The following SPG11 variants were observed in gnomAD, a reference collection of about 807,000 sequenced individuals.
SPG11 encodes the protein SPG11 vesicle trafficking associated, spatacsin, also known as spatacsin.
In SPG11, 222 loss-of-function variants were observed where a neutral mutation model predicts 274.0. The ratio of observed to expected loss-of-function variants is 0.81; its 90% CI spans 0.73 to 0.91. The LOEUF (loss-of-function observed/expected upper bound fraction) is 0.91. Ranked by LOEUF, SPG11 falls within the 40% of genes least tolerant of loss-of-function variation. The pLI is 0.00. For missense variants in SPG11, 3,114 were observed against 2,872.7 expected (o/e 1.08, Z -1.92); for synonymous variants, 1,144 against 1,039.7 (o/e 1.10, Z -1.93).
In SPG11 at chr15:44,618,160, T is replaced by A. The variant is rs140524050; in HGVS notation, c.2834+2030A>T. ...ATCTAAAGAGAATGCTCACAATGTT[T>A]CACTAGTAAGTATGATGTTGGCTAA... is the stretch of plus-strand genomic sequence containing the variant. On this transcript the variant is annotated intron_variant, in intron 15 of 39. Coordinates refer to ENST00000261866, the MANE Select transcript of SPG11 (RefSeq NM_025137.4). Among the ~76,000 whole-genome samples the A allele has an allele frequency of 1.3e-4, 20 of 152,248 alleles. No individual in the cohort carries two copies. In the East Asian group the frequency reaches 3.9e-3, roughly 29 times the overall value.
intron 20 of SPG11, among the ~76,000 whole-genome samples, chr15:44,603,055 T>C: frequency 6.9e-6 from 1 of 144,150 alleles, no homozygotes; most frequent in South Asian, 2.2e-4. Context: ...AACAGGCAAT[T>C]TTTTTTTTTT....
intron 7 of SPG11, among the ~76,000 whole-genome samples, chr15:44,642,939 G>T (rs1431926643): frequency 6.6e-6 from 1 of 152,072 alleles, no homozygotes; most frequent in Non-Finnish European, 1.5e-5. Flanking sequence ...AAGGGAATAG[G>T]ATCAGGGCAG....
At chr15:44,603,193 C>T (rs926824116) in intron 20 of SPG11, among the ~76,000 whole-genome samples, 2 of 151,910 alleles carry the variant, frequency 1.3e-5, no homozygotes, top group African/African-American at 2.4e-5. Flanking sequence ...GCACTGTAGG[C>T]ACACACAACT....
At position 44,567,547 on chromosome 15, in the gene SPG11, G is replaced by T. The variant is rs148260507; in HGVS notation, c.6631C>A (p.Arg2211Ser). ...TALLDYIKRC[R>S]PGDSEKHNMI... ...TTGTGCTTTTCACTGTCTCCAGGAC[G>T]GCAGCGTTTGATGTAGTCCAGCAGG... The change falls in exon 36 of 40, where the codon CGT (arginine) becomes AGT (serine). Residue 2211 changes from arginine to serine, a missense_variant. By Grantham distance (110) the Arg-to-Ser change is moderately radical. Coordinates refer to ENST00000261866, the MANE Select transcript of SPG11 (RefSeq NM_025137.4). The T allele has an allele frequency of 3.1e-6, 5 of 1,613,942 alleles. No homozygotes were observed. Among genetic ancestry groups the T allele is most frequent in the Non-Finnish European group, 4.2e-6 (5 of 1,179,992 alleles).
chr15:44,596,589 C>T (rs2083045206), intron 24 of SPG11, among the ~76,000 whole-genome samples, 195 bp downstream of exon 24: 1 of 147,552 alleles, frequency 6.8e-6, no homozygotes, highest in South Asian at 2.1e-4. Context: ...TGATGCCAAC[C>T]CACTGAAATC....
In SPG11 at chr15:44,663,402, G is replaced by A. The variant is rs770704763; in HGVS notation, c.246C>T (p.Gly82=). The part of the protein sequence containing the change: ...SRGGGRCCLE[G]PFWHFLWEDS... The stretch of plus-strand genomic sequence containing the variant: ...CCCTCAGCACTTACTGCCAGAAGGG[G>A]CCCTCCAGGCAGCAGCGACCCCCGC... The change falls in exon 1 of 40, where the codon GGC becomes GGT. Residue 82 remains glycine (G), a synonymous_variant. Coordinates refer to ENST00000261866, the MANE Select transcript of SPG11 (RefSeq NM_025137.4). 5 of 1,607,426 alleles carry A rather than the reference G, an allele frequency of 3.1e-6. No homozygotes were observed. Among genetic ancestry groups the A allele is most frequent in the Non-Finnish European group, 2.5e-6 (3 of 1,177,676 alleles).
chr15:44,623,953 A>G (rs1157342323), intron 11 of SPG11, among the ~76,000 whole-genome samples: 1 of 151,828 alleles, frequency 6.6e-6, no homozygotes, highest in African/African-American at 2.4e-5. Context: ...TAGAGACAGC[A>G]TTTACCACGT....
chr15:44,647,027 G>A (rs1428498529), intron 7 of SPG11, among the ~76,000 whole-genome samples: 1 of 152,146 alleles, frequency 6.6e-6, no homozygotes, highest in Non-Finnish European at 1.5e-5. Flanking sequence ...AAGAACGGGA[G>A]AAAGTATTTG....
Position 44,584,077 on chromosome 15 carries a change from T to TTC in SPG11, c.5601_5602dup (p.Asn1868ArgfsTer12), listed in dbSNP as rs774838408. The TTC allele has an allele frequency of 6.2e-7, 1 of 1,614,256 alleles. No individual in the cohort carries two copies. Among genetic ancestry groups the TTC allele is most frequent in the African/African-American group, 1.3e-5 (1 of 75,070 alleles). ...CTCCTGCTCTTTCCAATCCAATCTA[T>TTC]TCTCGCATGTCTCTTTGGATGGAAG... On this transcript the variant is annotated frameshift_variant, in exon 30 of 40. Transcript: ENST00000261866. LOFTEE classifies it high-confidence loss of function.
intron 16 of SPG11, among the ~76,000 whole-genome samples, chr15:44,614,598 A>G (rs2083544532): frequency 1.3e-5 from 2 of 152,258 alleles, no homozygotes; most frequent in African/African-American, 4.8e-5. Flanking sequence ...GGGCTCCAGA[A>G]TAAAAATTAA....
intron 27 of SPG11, among the ~76,000 whole-genome samples, chr15:44,591,744 A>G (rs112901592): frequency 0.083 from 12,566 of 152,222 alleles, 1,304 homozygotes; most frequent in East Asian, 0.22. Context: ...AGGCCGAGGC[A>G]GGAGGACTGC....
rs769257325 is a variant in SPG11, at chr15:44,659,224, T to C, written c.522A>G (p.Leu174=). 12 of 1,614,052 alleles carry C rather than the reference T, an allele frequency of 7.4e-6. No homozygotes were observed. The highest frequency in any genetic ancestry group is 1.0e-5 in the Non-Finnish European group (12 of 1,180,000). Residue 174 remains leucine, a synonymous_variant, in exon 3 of 40, where the codon CTA becomes CTG. Transcript: ENST00000261866. ...SLLFINKCVI[L]HIIFPERDAA... is the part of the protein sequence containing the mutation. Reference sequence around the variant, plus strand: ...CATCTCTTTCAGGAAATATAATATGTAGGATGACACATTTGTTGATGAACA... The same window carrying C: ...CATCTCTTTCAGGAAATATAATATGCAGGATGACACATTTGTTGATGAACA...
chr15:44,583,322 C>T (rs549597040), intron 30 of SPG11, among the ~76,000 whole-genome samples: 1 of 151,956 alleles, frequency 6.6e-6, no homozygotes, highest in African/African-American at 2.4e-5. Flanking sequence ...TCTACTAATA[C>T]AAAAATTAGC....
chr15:44,604,595 A>G (rs1369238333), intron 20 of SPG11, among the ~76,000 whole-genome samples: 3 of 152,194 alleles, frequency 2.0e-5, no homozygotes, highest in Admixed American at 6.5e-5. Context: ...ATAAGAAAAA[A>G]GAAGTCAACA....
intron 4 of SPG11, among the ~76,000 whole-genome samples, chr15:44,655,517 T>C (rs756614215): frequency 2.0e-5 from 3 of 152,224 alleles, no homozygotes; most frequent in Non-Finnish European, 4.4e-5. Context: ...TGTAAACAGA[T>C]TATGTAGAGT....
intron 11 of SPG11, among the ~76,000 whole-genome samples, chr15:44,625,707 C>T (rs893964171): frequency 1.3e-5 from 2 of 152,154 alleles, no homozygotes; most frequent in Non-Finnish European, 2.9e-5. Flanking sequence ...GAGATGGAGT[C>T]TTGCTCTGTT....
At chr15:44,573,521 T>C in intron 32 of SPG11, 26 bp downstream of exon 32, 10 of 1,613,282 alleles carry the variant, frequency 6.2e-6, no homozygotes, top group African/African-American at 1.3e-5. Flanking sequence ...GTCAGAGAGG[T>C]TGGGAATCCC....
chr15:44,634,511 T>C (rs2084180569), intron 7 of SPG11, among the ~76,000 whole-genome samples: 2 of 151,718 alleles, frequency 1.3e-5, no homozygotes, highest in Admixed American at 1.3e-4. Flanking sequence ...CTCGAACTCC[T>C]GGCCTAGAAC....
rs911245988 is a variant in SPG11 at position 44,663,616 on chromosome 15, G to T, written c.32C>A (p.Ala11Asp). The T allele has an allele frequency of 1.3e-6, 2 of 1,596,248 alleles. No homozygotes were observed. Among genetic ancestry groups the T allele is most frequent in the African/African-American group, 1.3e-5 (1 of 74,844 alleles). MAAEEGVASAASAGGSWGTAA... is the reference protein window; with the variant it reads MAAEEGVASADSAGGSWGTAA... ...GGTGCCCCAGCTACCGCCGGCGGAA[G>T]CAGCACTCGCGACCCCTTCCTCTGC... Residue 11 changes from alanine to aspartate, a missense_variant, in exon 1 of 40, where the codon GCT (alanine) becomes GAT (aspartate). Transcript: ENST00000261866.
Sources: gnomAD v4.1 joint callset for allele counts (sites outside exome capture counted in the v4.1 genomes callset) on GRCh38, gnomAD v4.1.1 for gene constraint, MANE v1.5 for transcripts, NCBI Gene and HGNC (gene_info 2026-07-23, HGNC 2026-07-21) for gene names.